ELF1: variants seen among roughly 807,000 people sequenced by gnomAD.
ELF1 encodes the protein E74 like ETS transcription factor 1, also known as ETS-related transcription factor Elf-1.
In ELF1, 24 loss-of-function variants were observed where a neutral mutation model predicts 59.9. That is an observed-to-expected ratio of 0.40 (90% CI 0.29 to 0.56). The LOEUF (loss-of-function observed/expected upper bound fraction) is 0.56. Ranked by LOEUF, ELF1 falls within the 20% of genes least tolerant of loss-of-function variation. The pLI, the probability that ELF1 is intolerant of heterozygous loss-of-function variation, is 0.44. For missense variants in ELF1, 627 were observed against 742.2 expected (o/e 0.84, Z 1.80); for synonymous variants, 248 against 266.2 (o/e 0.93, Z 0.67).
At chr13:40,955,420 TG>T (rs1184681134) in intron 3 of ELF1, among the ~76,000 whole-genome samples, 1 of 112,946 alleles carries the variant, frequency 8.9e-6, no homozygotes, top group African/African-American at 3.4e-5. Context: ...GGGAAGGAGG[TG>T]GGGGGGTCAG....
intron 2 of ELF1, among the ~76,000 whole-genome samples, chr13:40,971,143 A>G (rs1172911072): frequency 6.6e-6 from 1 of 152,260 alleles, no homozygotes; most frequent in Non-Finnish European, 1.5e-5. Context: ...TTACTAAGTC[A>G]TAATGAAAGT....
At chr13:41,058,569 T>C (rs1387325909) in intron 1 of ELF1, among the ~76,000 whole-genome samples, 2 of 152,254 alleles carry the variant, frequency 1.3e-5, no homozygotes, top group Non-Finnish European at 1.5e-5. Flanking sequence ...CTACTTCCTT[T>C]GTGTTCACCC....
intron 1 of ELF1, among the ~76,000 whole-genome samples, chr13:41,032,073 T>C (rs1346708911): frequency 1.3e-5 from 2 of 152,078 alleles, no homozygotes; most frequent in African/African-American, 4.8e-5. Context: ...AAGGGTCATC[T>C]TAAATACACC....
upstream of ELF1, among the ~76,000 whole-genome samples, chr13:41,019,564 C>T (rs1875605114): frequency 6.6e-6 from 1 of 151,934 alleles, no homozygotes; most frequent in African/African-American, 2.4e-5. Context: ...TAAGAACCTA[C>T]AAGGGAGCAA....
chr13:40,944,604 G>A (rs1593352038), intron 5 of ELF1, among the ~76,000 whole-genome samples: 1 of 152,088 alleles, frequency 6.6e-6, no homozygotes, highest in Non-Finnish European at 1.5e-5. Context: ...CCTCAGAGTG[G>A]GGTCGATAAA....
chr13:41,051,934 C>CTTTTTTTTTTTTT (rs757348738), intron 1 of ELF1, among the ~76,000 whole-genome samples: 1 of 127,250 alleles, frequency 7.9e-6, no homozygotes, highest in Non-Finnish European at 1.7e-5. Context: ...TTCTTTTTCT[C>CTTTTTTTTTTTTT]TTTTTTTTTT....
At position 40,995,707 on chromosome 13, in the gene ELF1, A is replaced by T. The variant is rs542000799; in HGVS notation, c.-228-13425T>A. Among the ~76,000 whole-genome samples, 44 of 152,072 alleles carry T rather than the reference A, an allele frequency of 2.9e-4. 2 individuals carry two copies. The South Asian group carries it at 8.5e-3, about 29-fold the overall frequency. On this transcript the variant is annotated intron_variant, in intron 1 of 8. Transcript: ENST00000239882. Reference sequence around the variant, plus strand: ...TAGACACAGACCTTATACCCTTCCCAGATATTAACTCAAAATGGATCGCAA... The same window carrying T: ...TAGACACAGACCTTATACCCTTCCCTGATATTAACTCAAAATGGATCGCAA...
chr13:41,005,365 C>T (rs897876344), intron 1 of ELF1, among the ~76,000 whole-genome samples: 2 of 138,962 alleles, frequency 1.4e-5, no homozygotes, highest in African/African-American at 5.3e-5. Flanking sequence ...AACAGGCCCT[C>T]AAACTATTTT....
chr13:40,940,291 A>C (rs922080549), intron 8 of ELF1, among the ~76,000 whole-genome samples: 1 of 98,680 alleles, frequency 1.0e-5, no homozygotes, highest in East Asian at 2.1e-4. Flanking sequence ...ACTAGTCCCA[A>C]ATTTCTGCAG....
At chr13:40,992,006 T>A (rs555255109) in intron 1 of ELF1, among the ~76,000 whole-genome samples, 33 of 152,174 alleles carry the variant, frequency 2.2e-4, no homozygotes, top group Non-Finnish European at 4.3e-4. Flanking sequence ...GTTTATTGTA[T>A]GTTTTGGAAA....
At chr13:40,947,349 C>T (rs1870569858) in intron 5 of ELF1, among the ~76,000 whole-genome samples, 1 of 152,180 alleles carries the variant, frequency 6.6e-6, no homozygotes, top group Admixed American at 6.5e-5. Flanking sequence ...CAAGACCAGC[C>T]TGGCCAACAT....
chr13:41,015,001 C>T (rs181799141), intron 1 of ELF1, among the ~76,000 whole-genome samples: 73 of 152,014 alleles, frequency 4.8e-4, no homozygotes, highest in Non-Finnish European at 1.5e-4. Flanking sequence ...CTGCCCTCCC[C>T]CCAAAAAAAG....
intron 1 of ELF1, among the ~76,000 whole-genome samples, chr13:41,024,382 C>T (rs1875801165): frequency 6.6e-6 from 1 of 152,044 alleles, no homozygotes; most frequent in African/African-American, 2.4e-5. Context: ...AGTGCAGTGG[C>T]AGGACCTTGG....
intron 1 of ELF1, among the ~76,000 whole-genome samples, chr13:41,037,877 T>C (rs748814766): frequency 5.3e-5 from 8 of 150,942 alleles, no homozygotes; most frequent in Non-Finnish European, 1.2e-4. Flanking sequence ...GATACAAAAA[T>C]ATGCATGTAT....
intron 1 of ELF1, among the ~76,000 whole-genome samples, chr13:41,045,905 T>A (rs1273984296): frequency 1.3e-5 from 2 of 152,172 alleles, no homozygotes; most frequent in East Asian, 3.8e-4. Flanking sequence ...CCCATTATTA[T>A]TGTGTGGGAG....
intron 1 of ELF1, among the ~76,000 whole-genome samples, chr13:41,055,033 T>C (rs1199648831): frequency 6.6e-6 from 1 of 152,208 alleles, no homozygotes; most frequent in South Asian, 2.1e-4. Context: ...GTTTTCTGAA[T>C]GTTTACCAGG....
intron 8 of ELF1, among the ~76,000 whole-genome samples, chr13:40,940,363 T>A (rs954598079): frequency 7.4e-6 from 1 of 135,740 alleles, no homozygotes. Context: ...ATCCTGGGGC[T>A]CTGAGGCAAA....
Position 40,942,820 on chromosome 13 carries a change from CT to C in ELF1, c.806+131del, listed in dbSNP as rs1224257888. 3 of 976,504 alleles carry C rather than the reference CT, an allele frequency of 3.1e-6. No individual in the cohort carries two copies. The African/African-American group carries it at 5.0e-5, about 16-fold the overall frequency. 60.5% of individuals were successfully genotyped at this position (976,504 alleles called of 1,614,324 possible). A position where few individuals can be genotyped will look rare whatever the true frequency, so the allele number is the denominator to read the frequency against. On this transcript the variant is annotated intron_variant, in intron 7 of 8. Transcript: ENST00000239882. Reference sequence around the variant, plus strand: ...TACAGGCATGAGCCACCGCACCTGACTGAAAATGTACCCTCTTATTATGTAT... The same window carrying C: ...TACAGGCATGAGCCACCGCACCTGACGAAAATGTACCCTCTTATTATGTAT...
At chr13:40,958,048 T>C (rs1831980061) in intron 3 of ELF1, among the ~76,000 whole-genome samples, 1 of 152,202 alleles carries the variant, frequency 6.6e-6, no homozygotes, top group South Asian at 2.1e-4. Flanking sequence ...CTTTTACGAA[T>C]AAAGATGCAA....
Sources: gnomAD v4.1 joint callset for allele counts (sites outside exome capture counted in the v4.1 genomes callset) on GRCh38, gnomAD v4.1.1 for gene constraint, MANE v1.5 for transcripts, NCBI Gene and HGNC (gene_info 2026-07-23, HGNC 2026-07-21) for gene names.